The following TRMT61B variants were observed in gnomAD, a reference collection of about 807,000 sequenced individuals.
TRMT61B encodes tRNA methyltransferase 61B.
TRMT61B carries 56 observed loss-of-function variants against 52.0 expected under a neutral mutation model. The observed-to-expected ratio is 1.08, with a 90% CI of 0.87 to 1.35. The LOEUF is 1.35. TRMT61B is among the 40% of genes most tolerant of loss of function. The pLI is 0.00. For synonymous variants in TRMT61B, 206 were observed against 220.0 expected (o/e 0.94, Z 0.56); for missense variants, 650 against 577.9 (o/e 1.12, Z -1.28).
chr2:28,870,040 C>G lies in TRMT61B; in HGVS notation c.238G>C (p.Gly80Arg), dbSNP rs1670018365. ...AGGTTTTCCAGTGACGAAAGACATC[C>G]AGTCCCAATGTCCGAGATGCTCAGA... ...LPLSISDIGTGCLSSLENLRL... is the reference protein window; with the variant it reads ...LPLSISDIGTRCLSSLENLRL... The change falls in exon 1 of 7, where the codon GGA (glycine) becomes CGA (arginine). Residue 80 changes from glycine to arginine, a missense_variant. Physicochemically the swap from Gly to Arg is moderately radical, Grantham distance 125. Transcript: ENST00000306108. 1.2e-6 allele frequency: 2 copies of G among 1,613,798 alleles called. No individual in the cohort carries two copies. Among genetic ancestry groups the G allele is most frequent in the Non-Finnish European group, 1.7e-6 (2 of 1,179,984 alleles).
In TRMT61B at chr2:28,851,136, ATCTGTGTT is replaced by A; in HGVS notation, c.1240_1247del (p.Asn414CysfsTer12). The stretch of plus-strand genomic sequence containing the variant: ...TTTTCTCTTGAGAATCTAGTTGTAC[ATCTGTGTT>A]GATTTTAGATTCTACTTTTTGAGCT... On this transcript the variant is annotated frameshift_variant, in exon 5 of 7. Coordinates refer to ENST00000306108, the MANE Select transcript of TRMT61B (RefSeq NM_017910.4). LOFTEE classifies it high-confidence loss of function. 6.2e-7 allele frequency: 1 copy of A among 1,613,234 alleles called. No homozygotes were observed. Among genetic ancestry groups the A allele is most frequent in the Non-Finnish European group, 8.5e-7 (1 of 1,179,796 alleles).
At chr2:28,866,301 C>T (rs147106887) in intron 1 of TRMT61B, among the ~76,000 whole-genome samples, 2 of 152,104 alleles carry the variant, frequency 1.3e-5, no homozygotes, top group Non-Finnish European at 2.9e-5. Flanking sequence ...AAATGATGAA[C>T]TTCTAATTTA....
chr2:28,868,983 G>A (rs1186479534), intron 1 of TRMT61B, among the ~76,000 whole-genome samples: 2 of 152,128 alleles, frequency 1.3e-5, no homozygotes, highest in East Asian at 1.9e-4. Flanking sequence ...CAGCCTGGAT[G>A]ACAGAGTGAG....
At chr2:28,860,976 G>C in intron 3 of TRMT61B, 142 bp downstream of exon 3, 1 of 668,770 alleles carries the variant, frequency 1.5e-6, no homozygotes, top group South Asian at 2.7e-5. Flanking sequence ...AGATTAAAAG[G>C]CATGAAACGA....
At chr2:28,864,913 C>A in intron 2 of TRMT61B, 104 bp downstream of exon 2, 4 of 652,170 alleles carry the variant, frequency 6.1e-6, no homozygotes, top group Non-Finnish European at 1.1e-5. Flanking sequence ...AGAATGCTAC[C>A]TCAATGTTAG....
rs1670020266 is a variant in TRMT61B, at chr2:28,870,085, C to G, written c.193G>C (p.Glu65Gln). The G allele has an allele frequency of 5.6e-6, 9 of 1,613,998 alleles. No homozygotes were observed. In the East Asian group the frequency reaches 1.6e-4, roughly 28 times the overall value. Residue 65 changes from glutamate to glutamine, a missense_variant, in exon 1 of 7, where the codon GAG (glutamate) becomes CAG (glutamine). By Grantham distance (29) the Glu-to-Gln change is conservative (BLOSUM62 2). Coordinates refer to ENST00000306108, the MANE Select transcript of TRMT61B (RefSeq NM_017910.4). ...CTCAGAGGGAGAGATGGGCAAGACT[C>G]TGCTCCTGGGGCTTTCCTTTGTGCC... ...EAAQRKAPGA[E>Q]SCPSLPLSIS...
chr2:28,859,908 T>C (rs996061666), intron 3 of TRMT61B, among the ~76,000 whole-genome samples: 2 of 152,180 alleles, frequency 1.3e-5, no homozygotes, highest in Non-Finnish European at 2.9e-5. Flanking sequence ...GAGGTCTTTC[T>C]GTACAGGAAG....
chr2:28,866,599 T>C (rs1247090515), intron 1 of TRMT61B, among the ~76,000 whole-genome samples: 2 of 152,140 alleles, frequency 1.3e-5, no homozygotes, highest in Non-Finnish European at 2.9e-5. Flanking sequence ...GCTAACCTGC[T>C]GTGTGGCCCG....
At chr2:28,860,388 A>C (rs1669552765) in intron 3 of TRMT61B, among the ~76,000 whole-genome samples, 2 of 151,914 alleles carry the variant, frequency 1.3e-5, no homozygotes, top group South Asian at 2.1e-4. Context: ...GAAAGGAAGA[A>C]AGACTCCTAA....
intron 1 of TRMT61B, among the ~76,000 whole-genome samples, chr2:28,865,767 G>A (rs949437605): frequency 2.3e-5 from 3 of 132,292 alleles, no homozygotes; most frequent in Non-Finnish European, 4.6e-5. Context: ...TGCAACCTCC[G>A]CCTCCCGGGT....
chr2:28,851,073 A>G lies in TRMT61B; in HGVS notation c.1311T>C (p.His437=). The G allele has an allele frequency of 6.3e-7, 1 of 1,596,274 alleles. No individual in the cohort carries two copies. Among genetic ancestry groups the G allele is most frequent in the South Asian group, 1.1e-5 (1 of 89,006 alleles). Residue 437 remains histidine, a splice_region_variant and synonymous_variant, in exon 5 of 7, where the codon CAT becomes CAC. Coordinates refer to ENST00000306108, the MANE Select transcript of TRMT61B (RefSeq NM_017910.4). ...GCATAAAGTAAAACTGAAGCTCACCATGGTCATCCTCTTGAAACAGCTCAC... is the reference window on the plus strand; with the variant it reads ...GCATAAAGTAAAACTGAAGCTCACCGTGGTCATCCTCTTGAAACAGCTCAC... ...VKGELFQEDD[H]EESHSDFPYG... is the part of the protein sequence containing the mutation.
chr2:28,869,715 G>A lies in TRMT61B; in HGVS notation c.563C>T (p.Pro188Leu), dbSNP rs1331246071. The A allele has an allele frequency of 1.2e-6, 2 of 1,614,152 alleles. No homozygotes were observed. Among genetic ancestry groups the A allele is most frequent in the Admixed American group, 3.3e-5 (2 of 60,020 alleles). Residue 188 changes from proline to leucine, a missense_variant, in exon 1 of 7, where the codon CCG becomes CTG. Physicochemically the swap from Pro to Leu is moderately conservative, Grantham distance 98 (BLOSUM62 -3). Coordinates refer to ENST00000306108, the MANE Select transcript of TRMT61B (RefSeq NM_017910.4). The stretch of plus-strand genomic sequence containing the variant: ...GAACTTCCCCACGATCTTGCCGAAC[G>A]GGACTGCCCCCCAGTTACTATTTAA... ...GLLNSNWGAV[P>L]FGKIVGKFPG...
Position 28,869,522 on chromosome 2 carries a change from C to T in TRMT61B, c.699+57G>A, listed in dbSNP as rs796134449. 2.5e-6 allele frequency: 3 copies of T among 1,196,490 alleles called. No individual in the cohort carries two copies. In the African/African-American group the frequency reaches 4.5e-5, roughly 18 times the overall value. 74.1% of individuals were successfully genotyped at this position (1,196,490 alleles called of 1,614,324 possible). A position where few individuals can be genotyped will look rare whatever the true frequency, so the allele number is the denominator to read the frequency against. The stretch of plus-strand genomic sequence containing the variant: ...TGAATACATTAATCAGGACTGAGTA[C>T]TGCATCTGTCTTTGCCCCTCCTGAA... On this transcript the variant is annotated intron_variant, in intron 1 of 6. Coordinates refer to ENST00000306108, the MANE Select transcript of TRMT61B (RefSeq NM_017910.4).
chr2:28,859,705 T>C (rs1669516039), intron 3 of TRMT61B, among the ~76,000 whole-genome samples: 1 of 152,128 alleles, frequency 6.6e-6, no homozygotes, highest in South Asian at 2.1e-4. Flanking sequence ...AGATCAGGAA[T>C]GGTTCAGCAG....
At chr2:28,856,378 T>C (rs1272916262) in intron 3 of TRMT61B, among the ~76,000 whole-genome samples, 2 of 152,188 alleles carry the variant, frequency 1.3e-5, no homozygotes, top group Non-Finnish European at 2.9e-5. Context: ...TTATAATACC[T>C]TTCTGCATAG....
intron 3 of TRMT61B, among the ~76,000 whole-genome samples, chr2:28,857,545 T>G (rs1312294497): frequency 1.3e-5 from 2 of 152,108 alleles, no homozygotes; most frequent in Non-Finnish European, 2.9e-5. Flanking sequence ...TAACATTTAT[T>G]CAGTGCTTAC....
At chr2:28,856,665 C>T (rs972533645) in intron 3 of TRMT61B, among the ~76,000 whole-genome samples, 1 of 151,296 alleles carries the variant, frequency 6.6e-6, no homozygotes, top group Non-Finnish European at 1.5e-5. Context: ...GATGGAGTCT[C>T]ATCCTGTCGC....
At chr2:28,865,490 C>A (rs1047518244) in intron 1 of TRMT61B, among the ~76,000 whole-genome samples, 2 of 152,004 alleles carry the variant, frequency 1.3e-5, no homozygotes, top group Admixed American at 1.3e-4. Context: ...GAATTAAATG[C>A]CAGTATGAGG....
intron 1 of TRMT61B, 41 bp from the exon 2 acceptor site, chr2:28,865,160 A>G (rs1669782900): frequency 8.8e-7 from 1 of 1,137,092 alleles, no homozygotes; most frequent in South Asian, 1.3e-5. Flanking sequence ...CGACCAATAA[A>G]TATGTACTAA....
Sources: gnomAD v4.1 joint callset for allele counts (sites outside exome capture counted in the v4.1 genomes callset) on GRCh38, gnomAD v4.1.1 for gene constraint, MANE v1.5 for transcripts, NCBI Gene and HGNC (gene_info 2026-07-23, HGNC 2026-07-21) for gene names.